POSTN: variants seen among roughly 807,000 people sequenced by gnomAD.
POSTN encodes osteoblast specific factor 2 (fasciclin I-like).
POSTN carries 71 observed loss-of-function variants against 104.5 expected under a neutral mutation model. That is an observed-to-expected ratio of 0.68 (90% CI 0.56 to 0.83). The LOEUF (loss-of-function observed/expected upper bound fraction) is 0.83, where lower values mean the gene tolerates loss of function less well. Among genes scored for constraint, POSTN ranks in the 40% least tolerant of loss-of-function variants. The pLI is 0.00. For synonymous variants in POSTN, 355 were observed against 340.7 expected (o/e 1.04, Z -0.46); for missense variants, 949 against 1,006.8 (o/e 0.94, Z 0.78).
chr13:37,587,835 T>G lies in POSTN; in HGVS notation c.593A>C (p.His198Pro). The G allele has an allele frequency of 6.3e-7, 1 of 1,598,468 alleles. No individual in the cohort carries two copies. The highest frequency in any genetic ancestry group is 2.2e-5 in the East Asian group (1 of 44,630). Residue 198 changes from histidine (H) to proline (P), a missense_variant, in exon 5 of 23, where the codon CAT becomes CCT. Physicochemically the swap from His to Pro is moderately conservative, Grantham distance 77 (BLOSUM62 -2). Transcript: ENST00000379747. ...GATAAAACTTACCCCATTAGGATAA[T>G]GGTTAATGAAAAGCCCCAAATTGTT... Reference protein sequence around the residue: ...MYNNLGLFINHYPNGVVTVNC... With the variant: ...MYNNLGLFINPYPNGVVTVNC...
chr13:37,580,817 G>A, intron 10 of POSTN, 120 bp from the exon 11 acceptor site: 2 of 1,202,154 alleles, frequency 1.7e-6, no homozygotes, highest in Non-Finnish European at 2.4e-6. Context: ...GGTGTCTGAG[G>A]CCACGGGAAC....
intron 2 of POSTN, among the ~76,000 whole-genome samples, chr13:37,595,152 C>T (rs1951049986): frequency 6.6e-6 from 1 of 150,612 alleles, no homozygotes; most frequent in Non-Finnish European, 1.5e-5. Flanking sequence ...TTATGGCATT[C>T]TTCTCTATCT....
intron 5 of POSTN, among the ~76,000 whole-genome samples, chr13:37,587,355 A>C (rs7336560): frequency 0.58 from 87,366 of 151,918 alleles, 25,495 homozygotes; most frequent in East Asian, 0.85. Flanking sequence ...GAACTTCCTA[A>C]AAATTGTTTC....
chr13:37,586,729 CAGG>C, intron 6 of POSTN, 50 bp downstream of exon 6: 4 of 1,503,676 alleles, frequency 2.7e-6, no homozygotes, highest in Non-Finnish European at 3.6e-6. Context: ...TAGATTTTGA[CAGG>C]AGAAGAAGAG....
chr13:37,582,947 A>G (rs1463513945), intron 9 of POSTN, among the ~76,000 whole-genome samples: 1 of 152,218 alleles, frequency 6.6e-6, no homozygotes, highest in Non-Finnish European at 1.5e-5. Context: ...AATATGGGTT[A>G]TTGTCAAAAC....
intron 22 of POSTN, among the ~76,000 whole-genome samples, chr13:37,564,224 ATATATG>A (rs1950022981): frequency 7.9e-6 from 1 of 126,620 alleles, no homozygotes; most frequent in South Asian, 2.5e-4. Flanking sequence ...ATATATATAT[ATATATG>A]TATGGAGAAT....
At position 37,584,922 on chromosome 13, in the gene POSTN, A is replaced by G. The variant is rs373403282; in HGVS notation, c.902T>C (p.Met301Thr). 9 of 1,613,534 alleles carry G rather than the reference A, an allele frequency of 5.6e-6. No individual in the cohort carries two copies. The highest frequency in any genetic ancestry group is 4.0e-5 in the African/African-American group (3 of 74,926). The change falls in exon 8 of 23, where the codon ATG becomes ACG. Residue 301 changes from methionine (M) to threonine (T), a missense_variant. Transcript: ENST00000379747. ...GAGAGTATTTAAGATGTGGTACTTCATAAGAGCTGGAGAACACAATAAAAA... is the reference window on the plus strand; with the variant it reads ...GAGAGTATTTAAGATGTGGTACTTCGTAAGAGCTGGAGAACACAATAAAAA... ...MGDKVASEAL[M>T]KYHILNTLQC... is the part of the protein sequence containing the mutation.
chr13:37,598,691 C>G lies in POSTN; in HGVS notation c.36G>C (p.Leu12Phe). Residue 12 changes from leucine (L) to phenylalanine (F), a missense_variant, in exon 1 of 23, where the codon TTG becomes TTC. Coordinates refer to ENST00000379747, the MANE Select transcript of POSTN (RefSeq NM_006475.3). ...IPFLPMFSLL[L>F]LLIVNPINAN... ...CGTTTATAGGGTTAACAATAAGCAG[C>G]AATAGTAGAGAAAACATGGGTAAAA... The G allele has an allele frequency of 6.2e-7, 1 of 1,613,290 alleles. No individual in the cohort carries two copies. The highest frequency in any genetic ancestry group is 1.7e-5 in the Admixed American group (1 of 59,986).
At chr13:37,592,984 T>A (rs17056136) in intron 2 of POSTN, among the ~76,000 whole-genome samples, 9,896 of 150,804 alleles carry the variant, frequency 0.066, 1,063 homozygotes, top group African/African-American at 0.23. Flanking sequence ...GTTTGAATTG[T>A]TGGTAGGATT....
At chr13:37,568,867 C>T (rs971632769) in intron 21 of POSTN, 2 of 152,196 alleles carry the variant, frequency 1.3e-5, no homozygotes, top group Non-Finnish European at 2.9e-5. Flanking sequence ...TTACTAAATG[C>T]ACTATTTTTG....
In POSTN at chr13:37,586,261, T is replaced by C; in HGVS notation, c.773A>G (p.Asp258Gly). 6.2e-7 allele frequency: 1 copy of C among 1,611,000 alleles called. No individual in the cohort carries two copies. Among genetic ancestry groups the C allele is most frequent in the Non-Finnish European group, 8.5e-7 (1 of 1,178,890 alleles). ...GTCTCTTCCAAGGGCCTCCAATATG[T>C]CCGATGTGATGGCAGCTGCCTGAAA... is the stretch of plus-strand genomic sequence containing the variant. The part of the protein sequence containing the change: ...SSFRAAAITS[D>G]ILEALGRDGH... The change falls in exon 7 of 23, where the codon GAC (aspartate) becomes GGC (glycine). Residue 258 changes from aspartate to glycine, a missense_variant. Asp to Gly is a moderately conservative substitution (Grantham distance 94, BLOSUM62 -1). Transcript: ENST00000379747.
At chr13:37,563,940 A>G (rs1034944211) in intron 22 of POSTN, among the ~76,000 whole-genome samples, 1 of 151,820 alleles carries the variant, frequency 6.6e-6, no homozygotes, top group Non-Finnish European at 1.5e-5. Flanking sequence ...TGATATATAC[A>G]TATATAATCT....
intron 18 of POSTN, chr13:37,570,963 T>C (rs1593315710): frequency 3.1e-6 from 1 of 323,548 alleles, no homozygotes; most frequent in East Asian, 5.8e-5. Context: ...GGGAGTTCTA[T>C]ATCATTGGAA....
chr13:37,567,979 C>A lies in POSTN; in HGVS notation c.2431+1321G>T, dbSNP rs1950164271. Among the ~76,000 whole-genome samples the A allele has an allele frequency of 2.0e-5, 3 of 150,088 alleles. No homozygotes were observed. In the South Asian group the frequency reaches 6.4e-4, roughly 32 times the overall value. On this transcript the variant is annotated intron_variant, in intron 21 of 22. Transcript: ENST00000379747. ...TTCCCTAAAAAGCACTACCATTCTA[C>A]AAAGCTGCTTACTATGGCAAGGACT...
intron 17 of POSTN, among the ~76,000 whole-genome samples, chr13:37,572,325 C>T (rs1950282723): frequency 6.8e-6 from 1 of 146,680 alleles, no homozygotes; most frequent in Non-Finnish European, 1.5e-5. Flanking sequence ...TACATGATTA[C>T]CAAAACGAAA....
intron 2 of POSTN, among the ~76,000 whole-genome samples, chr13:37,596,635 G>A (rs971051867): frequency 6.6e-6 from 1 of 152,220 alleles, no homozygotes; most frequent in Non-Finnish European, 1.5e-5. Context: ...CATCTTGAAC[G>A]GAGAATCACT....
rs756440922 is a variant in POSTN, at chr13:37,569,292, T to C, written c.2431+8A>G. On this transcript the variant is annotated splice_region_variant and intron_variant, in intron 21 of 22. Coordinates refer to ENST00000379747, the MANE Select transcript of POSTN (RefSeq NM_006475.3). ...GTTAAGGGGGTTAGTTGTTGTCCTTTTACTAACCTCCCTGAAGCAGTCTTT... is the reference window on the plus strand; with the variant it reads ...GTTAAGGGGGTTAGTTGTTGTCCTTCTACTAACCTCCCTGAAGCAGTCTTT... The C allele has an allele frequency of 2.5e-6, 4 of 1,600,908 alleles. No individual in the cohort carries two copies. Among genetic ancestry groups the C allele is most frequent in the Non-Finnish European group, 3.4e-6 (4 of 1,168,656 alleles).
chr13:37,583,187 G>C (rs1166087883), intron 9 of POSTN, among the ~76,000 whole-genome samples: 1 of 152,152 alleles, frequency 6.6e-6, no homozygotes, highest in Admixed American at 6.5e-5. Flanking sequence ...GCAACTACTA[G>C]GTGAAATATT....
intron 10 of POSTN, among the ~76,000 whole-genome samples, chr13:37,581,365 C>T (rs754469593): frequency 6.6e-6 from 1 of 152,068 alleles, no homozygotes; most frequent in African/African-American, 2.4e-5. Flanking sequence ...AAATACTGAA[C>T]GTATCATTAG....
Sources: allele counts gnomAD v4.1 joint callset (sites outside exome capture counted in the v4.1 genomes callset), GRCh38; gene constraint gnomAD v4.1.1; transcripts MANE v1.5; gene names NCBI Gene and HGNC (gene_info 2026-07-23, HGNC 2026-07-21).